Variants in GALNTL6 observed in about 807,000 individuals in gnomAD.
GALNTL6 encodes polypeptide N-acetylgalactosaminyltransferase-like 6.
In GALNTL6, 46 loss-of-function variants were observed where a neutral mutation model predicts 73.7. The observed-to-expected ratio is 0.62, with a 90% CI of 0.49 to 0.80. The LOEUF (loss-of-function observed/expected upper bound fraction) is 0.80, where lower values mean the gene tolerates loss of function less well. Ranked by LOEUF, GALNTL6 falls within the 30% of genes least tolerant of loss-of-function variation. The probability of loss-of-function intolerance (pLI) is 0.00; values close to 1 mark genes in which losing one functional copy is unlikely to be tolerated. For missense variants in GALNTL6, 604 were observed against 755.0 expected (o/e 0.80, Z 2.34); for synonymous variants, 259 against 263.7 (o/e 0.98, Z 0.17).
At chr4:172,585,783 A>G (rs1329700515) in intron 5 of GALNTL6, among the ~76,000 whole-genome samples, 2 of 152,192 alleles carry the variant, frequency 1.3e-5, no homozygotes, top group South Asian at 4.1e-4. Context: ...AATATCCAGA[A>G]TCTACAAGGA....
chr4:172,351,183 C>CTGTCTGTCTGTCTGTCTATT (rs528746102), intron 5 of GALNTL6, among the ~76,000 whole-genome samples: 1 of 131,440 alleles, frequency 7.6e-6, no homozygotes, highest in African/African-American at 3.3e-5. Context: ...AATAATCTGT[C>CTGTCTGTCTGTCTGTCTATT]TATCTATCTA....
intron 5 of GALNTL6, among the ~76,000 whole-genome samples, chr4:172,456,083 C>A (rs1732388584): frequency 6.6e-6 from 1 of 152,122 alleles, no homozygotes; most frequent in South Asian, 2.1e-4. Flanking sequence ...CTTCAGCAAA[C>A]TCCAGCAGAC....
intron 8 of GALNTL6, among the ~76,000 whole-genome samples, chr4:172,907,259 T>C (rs1018692654): frequency 6.6e-6 from 1 of 152,112 alleles, no homozygotes; most frequent in Admixed American, 6.5e-5. Flanking sequence ...AAATTGAATA[T>C]AAAACTATCA....
At chr4:172,268,268 A>C (rs1738516995) in intron 3 of GALNTL6, among the ~76,000 whole-genome samples, 1 of 152,194 alleles carries the variant, frequency 6.6e-6, no homozygotes, top group Admixed American at 6.6e-5. Flanking sequence ...TGAGAGAAAG[A>C]TTGGCATGCA....
At chr4:171,878,221 G>C (rs951741538) in intron 2 of GALNTL6, among the ~76,000 whole-genome samples, 3 of 152,164 alleles carry the variant, frequency 2.0e-5, no homozygotes, top group Non-Finnish European at 4.4e-5. Context: ...GGAAACTTTT[G>C]AGAGTGAAAG....
In GALNTL6 at chr4:172,311,879, A is replaced by C. The variant is rs950410677; in HGVS notation, c.386+127A>C. 7.9e-6 allele frequency: 5 copies of C among 635,858 alleles called. No homozygotes were observed. In the Admixed American group the frequency reaches 1.5e-4, roughly 19 times the overall value. The allele number at this position is 635,858 out of a possible 1,614,324, so 39.4% of individuals were successfully genotyped here. A position where few individuals can be genotyped will look rare whatever the true frequency, so the allele number is the denominator to read the frequency against. On this transcript the variant is annotated intron_variant, in intron 4 of 12. Coordinates refer to ENST00000506823, the MANE Select transcript of GALNTL6 (RefSeq NM_001034845.3). ...TTTTATCCTAATAATTTTGATAAAAACTCATATTGCATCATCTTAAATATA... is the reference window on the plus strand; with the variant it reads ...TTTTATCCTAATAATTTTGATAAAACCTCATATTGCATCATCTTAAATATA...
chr4:172,227,571 G>T (rs779327263), intron 2 of GALNTL6, among the ~76,000 whole-genome samples: 2 of 152,088 alleles, frequency 1.3e-5, no homozygotes, highest in Non-Finnish European at 2.9e-5. Flanking sequence ...CTGACAGTCA[G>T]ATATATAAAG....
chr4:172,905,486 G>A (rs1244798648), intron 8 of GALNTL6, among the ~76,000 whole-genome samples: 1 of 152,082 alleles, frequency 6.6e-6, no homozygotes, highest in Non-Finnish European at 1.5e-5. Flanking sequence ...TAATCATTGA[G>A]TACAGAGCAT....
At chr4:172,393,325 C>G (rs1561062572) in intron 5 of GALNTL6, among the ~76,000 whole-genome samples, 1 of 152,188 alleles carries the variant, frequency 6.6e-6, no homozygotes, top group Non-Finnish European at 1.5e-5. Flanking sequence ...CTCCACATAT[C>G]TGTCCCAGGA....
chr4:172,689,320 C>A (rs1486199829), intron 5 of GALNTL6, among the ~76,000 whole-genome samples: 2 of 152,160 alleles, frequency 1.3e-5, no homozygotes, highest in Non-Finnish European at 2.9e-5. Context: ...ATTTAAATTT[C>A]TGTTTCCAAG....
chr4:171,979,659 C>G (rs1041914087), intron 2 of GALNTL6, among the ~76,000 whole-genome samples: 6 of 152,110 alleles, frequency 3.9e-5, no homozygotes, highest in African/African-American at 1.4e-4. Context: ...CATGGTGTCT[C>G]TGGAGTGGGA....
intron 3 of GALNTL6, among the ~76,000 whole-genome samples, chr4:172,247,986 T>C (rs866319308): frequency 6.6e-6 from 1 of 152,206 alleles, no homozygotes; most frequent in Admixed American, 6.5e-5. Context: ...CTATTTCTTT[T>C]TATGAAAGAA....
At chr4:172,577,022 C>G (rs992168224) in intron 5 of GALNTL6, among the ~76,000 whole-genome samples, 8 of 152,148 alleles carry the variant, frequency 5.3e-5, no homozygotes, top group Admixed American at 2.6e-4. Flanking sequence ...CAAACGGTCT[C>G]CACCTCTAGT....
chr4:172,610,779 A>G (rs1024085941), intron 5 of GALNTL6, among the ~76,000 whole-genome samples: 1 of 152,006 alleles, frequency 6.6e-6, no homozygotes, highest in Non-Finnish European at 1.5e-5. Flanking sequence ...AATACTGTCA[A>G]TGAGGTGGTG....
chr4:172,931,631 A>C (rs1366092553), intron 9 of GALNTL6, among the ~76,000 whole-genome samples: 1 of 152,138 alleles, frequency 6.6e-6, no homozygotes, highest in East Asian at 1.9e-4. Flanking sequence ...AGTTCTCTCC[A>C]CCCACATGGA....
intron 5 of GALNTL6, among the ~76,000 whole-genome samples, chr4:172,643,366 T>C (rs576336099): frequency 6.6e-6 from 1 of 152,098 alleles, no homozygotes; most frequent in South Asian, 2.1e-4. Flanking sequence ...TTAAATTGAA[T>C]GTGGTACCTC....
intron 2 of GALNTL6, among the ~76,000 whole-genome samples, chr4:171,817,827 T>G (rs1734561191): frequency 6.6e-6 from 1 of 151,644 alleles, no homozygotes; most frequent in Non-Finnish European, 1.5e-5. Context: ...TTTTATGGTT[T>G]GGGATCTGCA....
chr4:171,991,169 C>A (rs1283832209), intron 2 of GALNTL6, among the ~76,000 whole-genome samples: 9 of 151,960 alleles, frequency 5.9e-5, no homozygotes, highest in Admixed American at 5.9e-4. Context: ...TCTCTTGTAA[C>A]AACAACAAAA....
At chr4:172,524,636 C>A (rs1416933905) in intron 5 of GALNTL6, among the ~76,000 whole-genome samples, 1 of 152,214 alleles carries the variant, frequency 6.6e-6, no homozygotes, top group African/African-American at 2.4e-5. Flanking sequence ...TACACACATG[C>A]ACACATTTCT....
Sources: gnomAD v4.1 joint callset for allele counts (sites outside exome capture counted in the v4.1 genomes callset) on GRCh38, gnomAD v4.1.1 for gene constraint, MANE v1.5 for transcripts, NCBI Gene and HGNC (gene_info 2026-07-23, HGNC 2026-07-21) for gene names.